RBFOX1: variants seen among roughly 807,000 people sequenced by gnomAD.
The protein encoded by RBFOX1 is RNA binding fox-1 homolog 1, also known as RNA binding protein fox-1 homolog 1.
A neutral mutation model predicts 57.7 loss-of-function variants in RBFOX1; 8 were observed. That is an observed-to-expected ratio of 0.14 (90% CI 0.08 to 0.25). The LOEUF (loss-of-function observed/expected upper bound fraction) is 0.25, where lower values mean the gene tolerates loss of function less well. RBFOX1 is among the 10% of genes least tolerant of loss of function. RBFOX1 has a pLI of 1.00. For synonymous variants in RBFOX1, 326 were observed against 222.4 expected, an observed-to-expected ratio of 1.47 and a Z score of -4.15; for missense variants, 611 against 548.5, an observed-to-expected ratio of 1.11 and a Z score of -1.14.
intron 1 of RBFOX1, among the ~76,000 whole-genome samples, chr16:5,323,698 G>T (rs1372909126): frequency 6.6e-6 from 1 of 152,242 alleles, no homozygotes; most frequent in Admixed American, 6.5e-5. Context: ...GGCTTCAAAA[G>T]CCAGCTGATG....
At chr16:6,029,309 C>A (rs775906899) in intron 1 of RBFOX1, among the ~76,000 whole-genome samples, 2 of 152,208 alleles carry the variant, frequency 1.3e-5, no homozygotes, top group Non-Finnish European at 2.9e-5. Context: ...CCACCCCATT[C>A]TATAAACTTA....
At chr16:7,125,180 C>T (rs2068180469) in intron 4 of RBFOX1, among the ~76,000 whole-genome samples, 1 of 152,104 alleles carries the variant, frequency 6.6e-6, no homozygotes, top group African/African-American at 2.4e-5. Context: ...AGTGTAAGGG[C>T]TTGGGGGACG....
At chr16:7,225,002 TAA>T (rs1206825121) in intron 4 of RBFOX1, among the ~76,000 whole-genome samples, 5 of 152,230 alleles carry the variant, frequency 3.3e-5, no homozygotes, top group African/African-American at 2.4e-5. Flanking sequence ...AGCACTATGC[TAA>T]GACATTTTTG....
chr16:7,189,446 A>AG, intron 4 of RBFOX1, among the ~76,000 whole-genome samples: 1 of 141,674 alleles, frequency 7.1e-6, no homozygotes, highest in East Asian at 2.1e-4. Context: ...AAAAAAAAAA[A>AG]AAGGAATCCT....
intron 2 of RBFOX1, among the ~76,000 whole-genome samples, chr16:5,469,823 C>T (rs376713960): frequency 3.0e-4 from 46 of 152,154 alleles, no homozygotes; most frequent in South Asian, 8.3e-4. Flanking sequence ...TTATTCATAT[C>T]GTAGCATTCT....
chr16:6,544,368 T>G (rs2096866125), intron 2 of RBFOX1, among the ~76,000 whole-genome samples: 1 of 152,204 alleles, frequency 6.6e-6, no homozygotes, highest in African/African-American at 2.4e-5. Context: ...TTTTCCCCTC[T>G]TGCAATCTGA....
chr16:6,907,460 C>G (rs1027104522), intron 3 of RBFOX1, among the ~76,000 whole-genome samples: 4 of 152,180 alleles, frequency 2.6e-5, no homozygotes, highest in Non-Finnish European at 5.9e-5. Context: ...GTCTTGTGTT[C>G]TGAAGGCTAG....
chr16:5,476,547 C>T (rs568804093), intron 2 of RBFOX1, among the ~76,000 whole-genome samples: 1 of 152,196 alleles, frequency 6.6e-6, no homozygotes, highest in Non-Finnish European at 1.5e-5. Flanking sequence ...GAAGCTCAGC[C>T]CTGGCACTCA....
chr16:6,636,144 A>C (rs2098430331), intron 2 of RBFOX1, among the ~76,000 whole-genome samples: 1 of 152,100 alleles, frequency 6.6e-6, no homozygotes, highest in Admixed American at 6.6e-5. Context: ...GCAGTCAGAC[A>C]GTTTTGGATT....
intron 4 of RBFOX1, among the ~76,000 whole-genome samples, chr16:7,170,121 A>G (rs1267311815): frequency 6.6e-6 from 1 of 152,158 alleles, no homozygotes; most frequent in Non-Finnish European, 1.5e-5. Context: ...CATGCTGGGT[A>G]ATTAATATAT....
intron 3 of RBFOX1, among the ~76,000 whole-genome samples, chr16:6,706,656 A>C (rs1401251965): frequency 2.7e-5 from 4 of 150,828 alleles, no homozygotes; most frequent in Non-Finnish European, 5.9e-5. Flanking sequence ...CAACACTGTT[A>C]CACTTTTGAG....
At chr16:5,576,704 A>G (rs2046468180) in intron 2 of RBFOX1, among the ~76,000 whole-genome samples, 1 of 152,206 alleles carries the variant, frequency 6.6e-6, no homozygotes, top group Non-Finnish European at 1.5e-5. Flanking sequence ...TCCAGTGTAG[A>G]GAATTCTCAT....
chr16:6,234,198 C>G lies in RBFOX1; in HGVS notation c.-126-82797C>G, dbSNP rs139965973. ...TGGCATTAAGTCTCATTGCCCTTCACCACGCACTTGTTTAACTTGCTTAAT... is the reference window on the plus strand; with the variant it reads ...TGGCATTAAGTCTCATTGCCCTTCAGCACGCACTTGTTTAACTTGCTTAAT... On this transcript the variant is annotated intron_variant, in intron 1 of 15. Transcript: ENST00000550418. Among the ~76,000 whole-genome samples the G allele has an allele frequency of 2.6e-3, 396 of 152,318 alleles. 1 individual carries two copies. The highest frequency in any genetic ancestry group is 9.2e-3 in the African/African-American group (381 of 41,576).
At chr16:7,419,925 C>CTTTTTTTTTTTT (rs367626244) in intron 4 of RBFOX1, among the ~76,000 whole-genome samples, 7 of 101,726 alleles carry the variant, frequency 6.9e-5, no homozygotes, top group African/African-American at 1.3e-4. Flanking sequence ...TTCTTTCTTC[C>CTTTTTTTTTTTT]TTTTTTTTTT....
At chr16:6,649,393 G>A in intron 2 of RBFOX1, among the ~76,000 whole-genome samples, 1 of 152,106 alleles carries the variant, frequency 6.6e-6, no homozygotes. Flanking sequence ...TAGGTTTCTG[G>A]GGAACAGGTG....
chr16:5,743,041 A>T (rs2052834115), intron 3 of RBFOX1, among the ~76,000 whole-genome samples: 2 of 152,178 alleles, frequency 1.3e-5, no homozygotes, highest in Admixed American at 6.5e-5. Context: ...GCTTACTATT[A>T]GCCTGTTTTT....
intron 2 of RBFOX1, among the ~76,000 whole-genome samples, chr16:6,572,007 T>G (rs938549432): frequency 4.6e-5 from 7 of 152,176 alleles, no homozygotes; most frequent in African/African-American, 1.7e-4. Context: ...TTTTTATACC[T>G]TTACATGGCC....
intron 4 of RBFOX1, among the ~76,000 whole-genome samples, chr16:7,247,720 T>C (rs1292634311): frequency 6.6e-6 from 1 of 152,364 alleles, no homozygotes; most frequent in East Asian, 1.9e-4. Flanking sequence ...ATAGCCTCTT[T>C]AAATCCAGGT....
At chr16:5,917,313 G>C (rs1401487890) in intron 4 of RBFOX1, among the ~76,000 whole-genome samples, 2 of 152,130 alleles carry the variant, frequency 1.3e-5, no homozygotes, top group Non-Finnish European at 2.9e-5. Flanking sequence ...TACTCAGTAA[G>C]TCCATTAAGC....
Sources: gnomAD v4.1 joint callset for allele counts (sites outside exome capture counted in the v4.1 genomes callset) on GRCh38, gnomAD v4.1.1 for gene constraint, MANE v1.5 for transcripts, NCBI Gene and HGNC (gene_info 2026-07-23, HGNC 2026-07-21) for gene names.